Variants in LAMP1 observed in about 807,000 individuals in gnomAD.
LAMP1 encodes lysosome associated membrane protein 1, also known as lysosome-associated membrane glycoprotein 1.
A neutral mutation model predicts 37.5 loss-of-function variants in LAMP1; 7 were observed. That is an observed-to-expected ratio of 0.19 (90% CI 0.11 to 0.35). The LOEUF is 0.35. Among genes scored for constraint, LAMP1 ranks in the 10% least tolerant of loss-of-function variants. The pLI is 1.00. For synonymous variants in LAMP1, 236 were observed against 229.1 expected (o/e 1.03, Z -0.27); for missense variants, 537 against 552.8 (o/e 0.97, Z 0.29).
chr13:113,315,830 C>G (rs114458385), intron 4 of LAMP1, among the ~76,000 whole-genome samples: 1 of 151,638 alleles, frequency 6.6e-6, no homozygotes, highest in African/African-American at 2.4e-5. Context: ...TGGCTGGGCA[C>G]GGTGGCTCAG....
intron 1 of LAMP1, among the ~76,000 whole-genome samples, chr13:113,299,463 C>G (rs1262831248): frequency 6.6e-6 from 1 of 151,902 alleles, no homozygotes; most frequent in East Asian, 1.9e-4. Context: ...CTAGGTTTAA[C>G]TATGTTGGTT....
At position 113,322,752 on chromosome 13, in the gene LAMP1, G is replaced by A. The variant is rs1278550383; in HGVS notation, c.*331G>A. ...GTGCCGCTGTCTCTGAGGGGTGGGG[G>A]TGCCGCTCTCTCTGAGGGGGTGGGG... On this transcript the variant is annotated 3_prime_UTR_variant, in exon 9 of 9. Coordinates refer to ENST00000332556, the MANE Select transcript of LAMP1 (RefSeq NM_005561.4). 11 of 73,824 alleles carry A rather than the reference G, an allele frequency of 1.5e-4. No individual in the cohort carries two copies. The highest frequency in any genetic ancestry group is 6.4e-4 in the Admixed American group (4 of 6,276). The allele number at this position is 73,824 out of a possible 1,614,324, so 4.6% of individuals were successfully genotyped here. A position where few individuals can be genotyped will look rare whatever the true frequency, so the allele number is the denominator to read the frequency against.
intron 1 of LAMP1, among the ~76,000 whole-genome samples, chr13:113,302,957 G>T (rs549099011): frequency 9.2e-5 from 14 of 152,202 alleles, no homozygotes; most frequent in Non-Finnish European, 1.6e-4. Context: ...CTGGCACAAA[G>T]TAAGTGCATT....
Position 113,319,475 on chromosome 13 carries a change from G to A in LAMP1, c.569G>A (p.Arg190His), listed in dbSNP as rs780627739. 2.5e-5 allele frequency: 40 copies of A among 1,608,362 alleles called. No homozygotes were observed. In the South Asian group the frequency reaches 4.1e-4, roughly 16 times the overall value. ...CCCTCCACTGCACCTGCAGAGACAC[G>A]CTGTGAACAAGACAGGCCTTCCCCA... ...SNSSFSRGET[R>H]CEQDRPSPTT... Residue 190 changes from arginine (R) to histidine (H), a missense_variant, in exon 5 of 9, where the codon CGC becomes CAC. Arg to His is a conservative substitution (Grantham distance 29). Transcript: ENST00000332556.
At chr13:113,307,126 A>G (rs1412615222) in intron 2 of LAMP1, among the ~76,000 whole-genome samples, 6 of 148,590 alleles carry the variant, frequency 4.0e-5, no homozygotes, top group East Asian at 4.0e-4. Context: ...GGTGTGAGCC[A>G]CCGCGCCCAG....
rs2042635158 is a variant in LAMP1 at position 113,312,405 on chromosome 13, T to C, written c.562+1538T>C. 2.0e-5 allele frequency among the ~76,000 whole-genome samples: 3 copies of C among 152,230 alleles called. No individual in the cohort carries two copies. The South Asian group carries it at 6.2e-4, about 31-fold the overall frequency. The stretch of plus-strand genomic sequence containing the variant: ...TCTGTGGCTGCTTTTGTATTAACAG[T>C]GGCAGGGCTGTGTTGTCTTGACAGA... On this transcript the variant is annotated intron_variant, in intron 4 of 8. Transcript: ENST00000332556.
At chr13:113,299,796 C>A (rs1010820119) in intron 1 of LAMP1, among the ~76,000 whole-genome samples, 4 of 151,828 alleles carry the variant, frequency 2.6e-5, no homozygotes, top group African/African-American at 9.7e-5. Context: ...CTCGAACTGA[C>A]CTCGTGATCC....
At chr13:113,308,547 A>G (rs2042612721) in intron 2 of LAMP1, among the ~76,000 whole-genome samples, 1 of 149,780 alleles carries the variant, frequency 6.7e-6, no homozygotes, top group African/African-American at 2.5e-5. Flanking sequence ...CTGGTCTCAA[A>G]CTCCTGACCT....
chr13:113,318,824 C>T (rs1161031683), intron 4 of LAMP1, among the ~76,000 whole-genome samples: 2 of 152,196 alleles, frequency 1.3e-5, no homozygotes, highest in East Asian at 3.9e-4. Context: ...CCCAACACAG[C>T]TGGCTAGCCT....
intron 1 of LAMP1, chr13:113,306,039 G>GT (rs2042596546): frequency 6.4e-6 from 1 of 155,426 alleles, no homozygotes; most frequent in African/African-American, 2.4e-5. Context: ...CGTAATCCAT[G>GT]TGTCTGGTTG....
intron 1 of LAMP1, among the ~76,000 whole-genome samples, chr13:113,301,030 A>G (rs1413853804): frequency 6.6e-6 from 1 of 152,160 alleles, no homozygotes; most frequent in African/African-American, 2.4e-5. Context: ...ATGTGCTTCT[A>G]CATGGTAACA....
intron 1 of LAMP1, among the ~76,000 whole-genome samples, chr13:113,299,825 A>G (rs1286398070): frequency 2.0e-5 from 3 of 152,068 alleles, no homozygotes; most frequent in Non-Finnish European, 4.4e-5. Flanking sequence ...CAGACTCCCA[A>G]AGTGCTGGGA....
Position 113,313,870 on chromosome 13 carries a change from C to CT in LAMP1, c.562+3004dup, listed in dbSNP as rs570682766. On this transcript the variant is annotated intron_variant, in intron 4 of 8. Coordinates refer to ENST00000332556, the MANE Select transcript of LAMP1 (RefSeq NM_005561.4). Reference sequence around the variant, plus strand: ...AGTCAGTGTGGAGATGCCCGTGTGCCTGGGGCATGGCCTCCTGGAGGGAAC... The same window carrying CT: ...AGTCAGTGTGGAGATGCCCGTGTGCCTTGGGGCATGGCCTCCTGGAGGGAAC... Among the ~76,000 whole-genome samples the CT allele has an allele frequency of 3.3e-5, 4 of 121,316 alleles. No individual in the cohort carries two copies. The East Asian group carries it at 1.0e-3, about 31-fold the overall frequency. The allele number at this position is 121,316 out of a possible 152,430, so 79.6% of individuals were successfully genotyped here. A position where few individuals can be genotyped will look rare whatever the true frequency, so the allele number is the denominator to read the frequency against.
intron 4 of LAMP1, 90 bp downstream of exon 4, chr13:113,310,957 T>A: frequency 9.1e-7 from 1 of 1,098,892 alleles, no homozygotes; most frequent in Middle Eastern, 2.5e-4. Context: ...TGTGTCCTGG[T>A]GCTGGGCTCT....
At chr13:113,311,071 A>T (rs2042628706) in intron 4 of LAMP1, among the ~76,000 whole-genome samples, 1 of 152,130 alleles carries the variant, frequency 6.6e-6, no homozygotes, top group Admixed American at 6.6e-5. Flanking sequence ...CATGTTGATT[A>T]AAAAGGGTGG....
chr13:113,297,669 C>T lies in LAMP1; in HGVS notation c.61+174C>T, dbSNP rs9604058. Among the ~76,000 whole-genome samples, 7,093 of 152,206 alleles carry T rather than the reference C, an allele frequency of 0.047. 543 individuals carry two copies. The highest frequency in any genetic ancestry group is 0.16 in the African/African-American group (6,731 of 41,506). ...GGTGTTTCTCTCGGGGTCGTAGGGT[C>T]GGAGCGGAGCTCAATGGCAGGTGCT... On this transcript the variant is annotated intron_variant, in intron 1 of 8. Coordinates refer to ENST00000332556, the MANE Select transcript of LAMP1 (RefSeq NM_005561.4). The surrounding 1 kb of genome is among the most constrained non-coding windows in gnomAD (Gnocchi z 4.4).
At position 113,315,583 on chromosome 13, in the gene LAMP1, G is replaced by A. The variant is rs535255228; in HGVS notation, c.563-3886G>A. 2.7e-4 allele frequency among the ~76,000 whole-genome samples: 41 copies of A among 151,150 alleles called. No homozygotes were observed. The South Asian group carries it at 3.4e-3, about 12-fold the overall frequency. ...TTTTATATTTTTAGTAGAGGGGGGCGTTGCACCATGTTGGCCAGGCTGGTC... is the reference window on the plus strand; with the variant it reads ...TTTTATATTTTTAGTAGAGGGGGGCATTGCACCATGTTGGCCAGGCTGGTC... On this transcript the variant is annotated intron_variant, in intron 4 of 8. Transcript: ENST00000332556.
At chr13:113,312,736 G>A (rs1487062261) in intron 4 of LAMP1, among the ~76,000 whole-genome samples, 6 of 152,218 alleles carry the variant, frequency 3.9e-5, no homozygotes, top group Non-Finnish European at 8.8e-5. Context: ...ATCAGGAAGA[G>A]CGGGCTAGAG....
At position 113,320,284 on chromosome 13, in the gene LAMP1, TC is replaced by T. The variant is rs1422263193; in HGVS notation, c.751-60del. Reference sequence around the variant, plus strand: ...GAATTCACGGTTTCAGGACTGTTTGTCTTTTCGAGAGTGTGGAGGACCTGAG... The same window carrying T: ...GAATTCACGGTTTCAGGACTGTTTGTTTTTCGAGAGTGTGGAGGACCTGAG... On this transcript the variant is annotated intron_variant, in intron 5 of 8. Coordinates refer to ENST00000332556, the MANE Select transcript of LAMP1 (RefSeq NM_005561.4). The surrounding 1 kb of genome is among the most constrained non-coding windows in gnomAD (Gnocchi z 4.4). 1 of 1,602,656 alleles carries T rather than the reference TC, an allele frequency of 6.2e-7. No individual in the cohort carries two copies. Among genetic ancestry groups the T allele is most frequent in the African/African-American group, 1.3e-5 (1 of 74,598 alleles).
Sources: allele counts gnomAD v4.1 joint callset (sites outside exome capture counted in the v4.1 genomes callset), GRCh38; gene constraint gnomAD v4.1.1; non-coding constraint Gnocchi (gnomAD v3.1); transcripts MANE v1.5; gene names NCBI Gene and HGNC (gene_info 2026-07-23, HGNC 2026-07-21).